Variants in PIAS1 observed in about 807,000 individuals in gnomAD.
PIAS1 encodes E3 SUMO-protein ligase PIAS1.
A neutral mutation model predicts 71.3 loss-of-function variants in PIAS1; 6 were observed. That is an observed-to-expected ratio of 0.08 (90% CI 0.05 to 0.17). The LOEUF is 0.17. PIAS1 is among the 10% of genes least tolerant of loss of function. The pLI is 1.00. For synonymous variants in PIAS1, 303 were observed against 292.9 expected (o/e 1.03, Z -0.35); for missense variants, 555 against 793.6 (o/e 0.70, Z 3.61).
At chr15:68,061,939 C>T (rs2091963407) in intron 1 of PIAS1, among the ~76,000 whole-genome samples, 1 of 152,090 alleles carries the variant, frequency 6.6e-6, no homozygotes, top group Non-Finnish European at 1.5e-5. Flanking sequence ...GTTTGTACAC[C>T]CCCCATTCTC....
chr15:68,116,218 C>T (rs2092564031), intron 2 of PIAS1, among the ~76,000 whole-genome samples: 1 of 151,678 alleles, frequency 6.6e-6, no homozygotes, highest in Non-Finnish European at 1.5e-5. Flanking sequence ...CCCGAGAATA[C>T]ACATGGGCCT....
intron 6 of PIAS1, among the ~76,000 whole-genome samples, chr15:68,152,710 T>G (rs2092856373): frequency 6.6e-6 from 1 of 152,146 alleles, no homozygotes. Context: ...TTATTTTTCC[T>G]TTTACTTCTT....
intron 9 of PIAS1, among the ~76,000 whole-genome samples, chr15:68,175,029 C>A (rs1382819259): frequency 6.6e-6 from 1 of 152,070 alleles, no homozygotes; most frequent in African/African-American, 2.4e-5. Context: ...TTGGAAAACA[C>A]AGGAAAATAA....
intron 2 of PIAS1, among the ~76,000 whole-genome samples, chr15:68,103,402 T>G (rs900848663): frequency 6.6e-6 from 1 of 152,126 alleles, no homozygotes; most frequent in Non-Finnish European, 1.5e-5. Context: ...TTCAACCTTT[T>G]GTGGTGTTTA....
intron 7 of PIAS1, among the ~76,000 whole-genome samples, chr15:68,164,468 C>G (rs2092944032): frequency 1.3e-5 from 2 of 152,070 alleles, no homozygotes; most frequent in South Asian, 4.1e-4. Flanking sequence ...AGAAATTTCT[C>G]TCATATTGCT....
At chr15:68,153,778 A>C in intron 7 of PIAS1, 83 bp downstream of exon 7, 1 of 723,606 alleles carries the variant, frequency 1.4e-6, no homozygotes, top group African/African-American at 1.8e-5. Context: ...GAAATTTTAG[A>C]ATTTGTTTAT....
At chr15:68,162,499 A>T (rs934039602) in intron 7 of PIAS1, among the ~76,000 whole-genome samples, 3 of 152,110 alleles carry the variant, frequency 2.0e-5, no homozygotes, top group African/African-American at 4.8e-5. Flanking sequence ...GAGATGAGAG[A>T]GAGTGAGTTA....
intron 2 of PIAS1, among the ~76,000 whole-genome samples, chr15:68,132,289 T>C (rs142397071): frequency 0.012 from 1,853 of 151,938 alleles, 42 homozygotes; most frequent in African/African-American, 0.042. Context: ...TCATCCTTGC[T>C]AACACGGTGA....
rs529804153 is a variant in PIAS1, at chr15:68,143,198, C to T, written c.602+861C>T. Reference sequence around the variant, plus strand: ...GAAAATATAAGACAGTTGTTTTCCTCAGTAAGCTGTTTTCCCTATAATTGT... The same window carrying T: ...GAAAATATAAGACAGTTGTTTTCCTTAGTAAGCTGTTTTCCCTATAATTGT... On this transcript the variant is annotated intron_variant, in intron 4 of 13. Coordinates refer to ENST00000249636, the MANE Select transcript of PIAS1 (RefSeq NM_016166.3). 2.6e-5 allele frequency among the ~76,000 whole-genome samples: 4 copies of T among 152,152 alleles called. No homozygotes were observed. In the East Asian group the frequency reaches 7.7e-4, roughly 29 times the overall value.
rs1298787908 is a variant in PIAS1 at position 68,135,379 on chromosome 15, ACCGCCCTCCCAGACGGGGCGG to A, written c.470-6565_470-6545del. ...GGCCGGGCGGGGGGCTGACCCCCAC[ACCGCCCTCCCAGACGGGGCGG>A]CTGGCCGGGCAGAGGGGCTCCCCAC... On this transcript the variant is annotated intron_variant, in intron 2 of 13. Transcript: ENST00000249636. 5.1e-4 allele frequency among the ~76,000 whole-genome samples: 20 copies of A among 39,120 alleles called. 4 individuals carry two copies. The highest frequency in any genetic ancestry group is 1.1e-3 in the African/African-American group (20 of 17,702). The allele number at this position is 39,120 out of a possible 152,430, so 25.7% of individuals were successfully genotyped here.
At position 68,192,321 on chromosome 15, in the gene PIAS1, C is replaced by G. The variant is rs940231107; in HGVS notation, c.*4486C>G. 1 of 152,144 alleles carries G rather than the reference C, an allele frequency of 6.6e-6. No homozygotes were observed. Among genetic ancestry groups the G allele is most frequent in the Non-Finnish European group, 1.5e-5 (1 of 68,024 alleles). The allele number at this position is 152,144 out of a possible 1,614,324, so 9.4% of individuals were successfully genotyped here. ...CATGAAGGTAATGAAGTTTAAGCAC[C>G]AGGACCCTTCACTTGTTCTGGTCCT... On this transcript the variant is annotated 3_prime_UTR_variant, in exon 14 of 14. Transcript: ENST00000249636.
chr15:68,100,243 A>G (rs1022031067), intron 2 of PIAS1, among the ~76,000 whole-genome samples: 1 of 152,220 alleles, frequency 6.6e-6, no homozygotes, highest in Non-Finnish European at 1.5e-5. Flanking sequence ...TATCCAAACT[A>G]GGACATAACA....
chr15:68,136,921 ATTAG>A (rs769418931), intron 2 of PIAS1, among the ~76,000 whole-genome samples: 11 of 152,220 alleles, frequency 7.2e-5, no homozygotes, highest in Non-Finnish European at 1.3e-4. Context: ...AGGCTGGACA[ATTAG>A]TTAAATAGGA....
chr15:68,095,400 A>G (rs975672718), intron 2 of PIAS1, among the ~76,000 whole-genome samples: 23 of 152,066 alleles, frequency 1.5e-4, no homozygotes, highest in African/African-American at 5.1e-4. Flanking sequence ...TGTGGTCATC[A>G]TGGGGTAGAT....
chr15:68,063,632 G>A (rs866756296), intron 1 of PIAS1, among the ~76,000 whole-genome samples: 5 of 151,896 alleles, frequency 3.3e-5, no homozygotes, highest in Admixed American at 2.0e-4. Context: ...CTGTTATAGC[G>A]GAATGTTTAC....
At chr15:68,142,765 G>C (rs986427141) in intron 4 of PIAS1, among the ~76,000 whole-genome samples, 1 of 152,002 alleles carries the variant, frequency 6.6e-6, no homozygotes, top group African/African-American at 2.4e-5. Flanking sequence ...GAAAGCATGG[G>C]CCTTATCTCC....
intron 1 of PIAS1, among the ~76,000 whole-genome samples, chr15:68,080,081 C>T (rs749554124): frequency 2.0e-5 from 3 of 152,194 alleles, no homozygotes; most frequent in Non-Finnish European, 4.4e-5. Flanking sequence ...GTCTGCCTGT[C>T]TCAGCCTCCT....
intron 2 of PIAS1, among the ~76,000 whole-genome samples, chr15:68,110,383 G>T (rs2092512599): frequency 6.6e-6 from 1 of 152,060 alleles, no homozygotes; most frequent in Non-Finnish European, 1.5e-5. Flanking sequence ...TCACCTGAAG[G>T]TCAGGAGTTC....
At chr15:68,134,061 G>A (rs368655477) in intron 2 of PIAS1, among the ~76,000 whole-genome samples, 1 of 1,804 alleles carries the variant, frequency 5.5e-4, no homozygotes, top group African/African-American at 9.5e-4. Flanking sequence ...GTAAGGTCAC[G>A]GATCAACAGG....
Sources: allele counts gnomAD v4.1 joint callset (sites outside exome capture counted in the v4.1 genomes callset), GRCh38; gene constraint gnomAD v4.1.1; transcripts MANE v1.5; gene names NCBI Gene and HGNC (gene_info 2026-07-23, HGNC 2026-07-21).